Variants in CDH3 observed in about 807,000 individuals in gnomAD.
CDH3 encodes the protein cadherin 3, also known as cadherin-3.
Under a neutral mutation model 82.0 loss-of-function variants are expected in CDH3, and 54 were observed. The observed-to-expected ratio is 0.66, with a 90% CI of 0.53 to 0.83. CDH3 has a LOEUF of 0.83. Ranked by LOEUF, CDH3 falls within the 40% of genes least tolerant of loss-of-function variation. The pLI is 0.00. For missense variants in CDH3, 1,054 were observed against 1,084.6 expected (o/e 0.97, Z 0.40); for synonymous variants, 446 against 437.9 (o/e 1.02, Z -0.23).
chr16:68,686,189 C>T (rs1246225767), intron 11 of CDH3, among the ~76,000 whole-genome samples: 2 of 152,238 alleles, frequency 1.3e-5, no homozygotes, highest in Non-Finnish European at 2.9e-5. Flanking sequence ...TGCCGCCTCC[C>T]AGTTCCCGCA....
intron 14 of CDH3, 66 bp from the exon 15 acceptor site, chr16:68,695,711 A>ATGT: frequency 6.4e-7 from 1 of 1,562,830 alleles, no homozygotes; most frequent in South Asian, 1.1e-5. Flanking sequence ...GTGGGGTGAG[A>ATGT]TGTAAGTGGC....
chr16:68,672,675 G>A (rs778752756), intron 2 of CDH3, among the ~76,000 whole-genome samples: 2 of 152,150 alleles, frequency 1.3e-5, no homozygotes, highest in South Asian at 2.1e-4. Context: ...AGCACTCCTC[G>A]GCGGGGATGT....
At chr16:68,670,596 A>C (rs1002009596) in intron 2 of CDH3, among the ~76,000 whole-genome samples, 13 of 152,178 alleles carry the variant, frequency 8.5e-5, no homozygotes, top group Admixed American at 8.5e-4. Context: ...AGCTGGGACT[A>C]CATCATGGTT....
rs201122541 is a variant in CDH3, at chr16:68,676,458, C to T, written c.234C>T (p.Gly78=). The T allele has an allele frequency of 1.7e-5, 27 of 1,612,490 alleles. No homozygotes were observed. The Admixed American group carries it at 2.3e-4, about 14-fold the overall frequency. The change falls in exon 3 of 16, where the codon GGC becomes GGT. Residue 78 remains glycine (G), a synonymous_variant. Coordinates refer to ENST00000264012, the MANE Select transcript of CDH3 (RefSeq NM_001793.6). ...TDNDDFTVRN[G]ETVQERRSLK... The stretch of plus-strand genomic sequence containing the variant: ...ATGATGACTTCACTGTGCGGAATGG[C>T]GAGACAGTCCAGGTAAAATACCATG...
intron 2 of CDH3, among the ~76,000 whole-genome samples, chr16:68,648,088 T>C (rs1366619226): frequency 6.6e-6 from 1 of 152,222 alleles, no homozygotes; most frequent in African/African-American, 2.4e-5. Context: ...GTGAGGTAAA[T>C]GTTAAACAAG....
At chr16:68,708,325 CAA>C (rs774076982) in intron 1 of CDH3, among the ~76,000 whole-genome samples, 11 of 123,274 alleles carry the variant, frequency 8.9e-5, no homozygotes, top group African/African-American at 5.8e-5. Context: ...AATTCCATCT[CAA>C]AAAAAAAAAA....
At chr16:68,653,314 G>C (rs985112710) in intron 2 of CDH3, among the ~76,000 whole-genome samples, 1 of 151,594 alleles carries the variant, frequency 6.6e-6, no homozygotes, top group Non-Finnish European at 1.5e-5. Context: ...TTGGCTCACC[G>C]CAACCTCCAC....
At chr16:68,654,713 A>AT (rs1555504518) in intron 2 of CDH3, among the ~76,000 whole-genome samples, 2,369 of 90,988 alleles carry the variant, frequency 0.026, 22 homozygotes, top group Middle Eastern at 0.037. Flanking sequence ...AAAAAAAAAA[A>AT]ATATATATAT....
chr16:68,673,602 C>CATA (rs1336341265), intron 2 of CDH3, among the ~76,000 whole-genome samples: 2 of 152,068 alleles, frequency 1.3e-5, no homozygotes, highest in East Asian at 3.9e-4. Context: ...GGAACAGGTG[C>CATA]ATACCACCAT....
At chr16:68,728,587 C>T (rs182392173), downstream of CDH3, among the ~76,000 whole-genome samples, 4 of 152,280 alleles carry the variant, frequency 2.6e-5, no homozygotes, top group Admixed American at 6.5e-5. Context: ...TGAGCCACCA[C>T]GCCCAGCCCC....
intron 1 of CDH3, among the ~76,000 whole-genome samples, chr16:68,717,333 G>A (rs1194923816): frequency 6.6e-6 from 1 of 152,182 alleles, no homozygotes; most frequent in East Asian, 1.9e-4. Context: ...ACAAGGATGT[G>A]GAGCAACTAG....
chr16:68,687,821 T>C, intron 12 of CDH3, 85 bp downstream of exon 12: 1 of 915,366 alleles, frequency 1.1e-6, no homozygotes, highest in Non-Finnish European at 1.8e-6. Flanking sequence ...CACACGTTCC[T>C]ATCCTAGCAT....
intron 7 of CDH3, 44 bp downstream of exon 7, chr16:68,680,018 A>G (rs1267636233): frequency 6.3e-7 from 1 of 1,589,056 alleles, no homozygotes; most frequent in South Asian, 1.1e-5. Flanking sequence ...AGACTTGCCC[A>G]GGCTGGGAAC....
intron 2 of CDH3, among the ~76,000 whole-genome samples, chr16:68,658,244 T>C (rs1960460451): frequency 6.6e-6 from 1 of 152,058 alleles, no homozygotes; most frequent in Non-Finnish European, 1.5e-5. Context: ...AGAGAAATGA[T>C]TTGCACTTGG....
intron 2 of CDH3, among the ~76,000 whole-genome samples, chr16:68,655,841 C>G (rs890329862): frequency 6.6e-6 from 1 of 151,954 alleles, no homozygotes; most frequent in South Asian, 2.1e-4. Context: ...CCAGCCTGGG[C>G]GACAGAGCGA....
chr16:68,674,990 A>G (rs943328781), intron 2 of CDH3, among the ~76,000 whole-genome samples: 14 of 151,870 alleles, frequency 9.2e-5, no homozygotes, highest in African/African-American at 3.4e-4. Context: ...GTGCGTGCCT[A>G]TAGTCTCAGC....
At chr16:68,684,561 C>A (rs753746346) in intron 9 of CDH3, 22 bp from the exon 10 acceptor site, 50 of 1,613,892 alleles carry the variant, frequency 3.1e-5, no homozygotes, top group Non-Finnish European at 4.2e-5. Flanking sequence ...TGGTCCAGGT[C>A]CTTCTTCCTC....
Position 68,707,113 on chromosome 16 carries a change from G to A in CDH3, c.99+11190G>A, listed in dbSNP as rs1032796553. On this transcript the variant is annotated intron_variant, in intron 1 of 2. Transcript: ENST00000569080. This position sits in a 1 kb window ranked among gnomAD's most constrained non-coding sequence, Gnocchi z 4.5. ...AGGTGGCATTTGGACAAAGACTGGAGGCTATCAGGGAGCAAGTATGCAGTG... is the reference window on the plus strand; with the variant it reads ...AGGTGGCATTTGGACAAAGACTGGAAGCTATCAGGGAGCAAGTATGCAGTG... 6.6e-6 allele frequency among the ~76,000 whole-genome samples: 1 copy of A among 152,174 alleles called. No individual in the cohort carries two copies. The highest frequency in any genetic ancestry group is 1.5e-5 in the Non-Finnish European group (1 of 68,024).
rs11328814 is a variant in CDH3 at position 68,694,622 on chromosome 16, CAAA to C, written c.2003-617_2003-615del. On this transcript the variant is annotated intron_variant, in intron 13 of 15. Transcript: ENST00000264012. ...GGGCGACAAGAGTGAGACTCTGTCT[CAAA>C]AAAAAAAAAAAAAAATTCCAACACT... is the stretch of plus-strand genomic sequence containing the variant. Among the ~76,000 whole-genome samples the C allele has an allele frequency of 9.4e-3, 1,336 of 141,646 alleles. 11 individuals are homozygous for C. The highest frequency in any genetic ancestry group is 0.019 in the African/African-American group (715 of 37,712). The allele number at this position is 141,646 out of a possible 152,430, so 92.9% of individuals were successfully genotyped here.
Sources: allele counts gnomAD v4.1 joint callset (sites outside exome capture counted in the v4.1 genomes callset), GRCh38; gene constraint gnomAD v4.1.1; non-coding constraint Gnocchi (gnomAD v3.1); transcripts MANE v1.5; gene names NCBI Gene and HGNC (gene_info 2026-07-23, HGNC 2026-07-21).